The following EP400 variants were observed in gnomAD, a reference collection of about 807,000 sequenced individuals.
The protein encoded by EP400 is E1A binding protein p400.
In EP400, 105 loss-of-function variants were observed where a neutral mutation model predicts 354.1. The ratio of observed to expected loss-of-function variants is 0.30; its 90% CI spans 0.25 to 0.35. The LOEUF is 0.35. Among genes scored for constraint, EP400 ranks in the 10% least tolerant of loss-of-function variants. The pLI, the probability that EP400 is intolerant of heterozygous loss-of-function variation, is 1.00. For synonymous variants in EP400, 1,646 were observed against 1,716.9 expected (o/e 0.96, Z 1.02); for missense variants, 3,280 against 4,121.0 (o/e 0.80, Z 5.59).
Position 132,045,887 on chromosome 12 carries a change from G to T in EP400, c.7187G>T (p.Arg2396Leu). ...RNRYENVIIP[R>L]EEGKSKNNRP... ...CGCTACGAGAATGTCATCATTCCAC[G>T]AGAGGAGGGGAAGGTAAGCACGGTC... is the stretch of plus-strand genomic sequence containing the variant. Residue 2396 changes from arginine (R) to leucine (L), a missense_variant, in exon 39 of 53, where the codon CGA (arginine) becomes CTA (leucine). Coordinates refer to ENST00000389561, the MANE Select transcript of EP400 (RefSeq NM_015409.5). 1 of 1,614,226 alleles carries T rather than the reference G, an allele frequency of 6.2e-7. No individual in the cohort carries two copies. The highest frequency in any genetic ancestry group is 1.1e-5 in the South Asian group (1 of 91,074).
intron 11 of EP400, among the ~76,000 whole-genome samples, chr12:131,993,738 A>G (rs938289488): frequency 2.0e-5 from 3 of 152,196 alleles, no homozygotes. Flanking sequence ...CCTGTGGGTA[A>G]TTGGAATATA....
intron 12 of EP400, 66 bp from the exon 13 acceptor site, chr12:132,005,011 C>G (rs1281151277): frequency 3.9e-6 from 5 of 1,292,398 alleles, no homozygotes; most frequent in Non-Finnish European, 5.5e-6. Context: ...GGCTGCTGCT[C>G]CTTCCCAATT....
At position 132,004,279 on chromosome 12, in the gene EP400, G is replaced by A. The variant is rs73162980; in HGVS notation, c.2828-798G>A. 9.4e-3 allele frequency among the ~76,000 whole-genome samples: 1,437 copies of A among 152,256 alleles called. 21 individuals are homozygous for A. The highest frequency in any genetic ancestry group is 0.033 in the African/African-American group (1,350 of 41,522). ...TTGATAATTTGGTACTTAACAAATT[G>A]TGCACTGATTTCCAGGGATGATTAA... On this transcript the variant is annotated intron_variant, in intron 12 of 52. Transcript: ENST00000389561.
At position 132,029,411 on chromosome 12, in the gene EP400, T is replaced by C. The variant is rs998883700; in HGVS notation, c.5382-290T>C. On this transcript the variant is annotated intron_variant, in intron 27 of 52. Transcript: ENST00000389561. This position sits in a 1 kb window ranked among gnomAD's most constrained non-coding sequence, Gnocchi z 4.7. ...AAGACACACTAGAAAGAGAATGGCT[T>C]ATCTCTGACCTGGTGCCTGCGGCCT... 1 of 489,646 alleles carries C rather than the reference T, an allele frequency of 2.0e-6. No homozygotes were observed. The highest frequency in any genetic ancestry group is 3.7e-6 in the Non-Finnish European group (1 of 273,890). 30.3% of individuals were successfully genotyped at this position (489,646 alleles called of 1,614,324 possible).
rs540681306 is a variant in EP400, at chr12:131,976,659, G to A, written c.1336-3035G>A. 3.3e-5 allele frequency among the ~76,000 whole-genome samples: 5 copies of A among 152,230 alleles called. 1 individual carries two copies. The highest frequency in any genetic ancestry group is 1.2e-4 in the African/African-American group (5 of 41,536). ...CAGGAGGTGGAGGTTGCAGTGAGGC[G>A]AGATCGTACCATTGCACTCCAGCCT... On this transcript the variant is annotated intron_variant, in intron 2 of 52. Coordinates refer to ENST00000389561, the MANE Select transcript of EP400 (RefSeq NM_015409.5).
chr12:131,976,730 C>T (rs1236962044), intron 2 of EP400, among the ~76,000 whole-genome samples: 1 of 152,024 alleles, frequency 6.6e-6, no homozygotes, highest in Admixed American at 6.6e-5. Context: ...AAAACAAAAA[C>T]GCCAAACAGC....
Position 132,049,579 on chromosome 12 carries a change from C to T in EP400, c.7201-744C>T, listed in dbSNP as rs537727672. On this transcript the variant is annotated intron_variant, in intron 39 of 52. Coordinates refer to ENST00000389561, the MANE Select transcript of EP400 (RefSeq NM_015409.5). ...TGTGTCATGTGAGAGTCTTGGTTTT[C>T]GCCTTGGCACACTCTCTTTGACCAG... Among the ~76,000 whole-genome samples the T allele has an allele frequency of 5.3e-5, 8 of 152,302 alleles. No homozygotes were observed. In the East Asian group the frequency reaches 7.7e-4, roughly 15 times the overall value.
At position 132,075,793 on chromosome 12, in the gene EP400, G is replaced by A. The variant is rs562805053; in HGVS notation, c.9022-723G>A. 2 of 152,820 alleles carry A rather than the reference G, an allele frequency of 1.3e-5. No individual in the cohort carries two copies. The highest frequency in any genetic ancestry group is 2.4e-5 in the African/African-American group (1 of 41,554). The allele number at this position is 152,820 out of a possible 1,614,324, so 9.5% of individuals were successfully genotyped here. A position where few individuals can be genotyped will look rare whatever the true frequency, so the allele number is the denominator to read the frequency against. On this transcript the variant is annotated intron_variant, in intron 51 of 52. Coordinates refer to ENST00000389561, the MANE Select transcript of EP400 (RefSeq NM_015409.5). This position sits in a 1 kb window ranked among gnomAD's most constrained non-coding sequence, Gnocchi z 4.5. ...TAACAGGACCCAGCAAGAGACCAGG[G>A]TCCGTGAGGGCCTTGTGCAGGGAGG...
chr12:131,992,816 C>T (rs1893083770), intron 11 of EP400, among the ~76,000 whole-genome samples: 3 of 152,138 alleles, frequency 2.0e-5, no homozygotes, highest in Non-Finnish European at 4.4e-5. Flanking sequence ...GTGGCGGTTC[C>T]TGTCAGGTGC....
chr12:131,960,705 C>CGGGGGG lies in EP400; in HGVS notation c.88_89insGGGGGG (p.Pro29_Ala30insGlyGly). 1 of 1,547,300 alleles carries CGGGGGG rather than the reference C, an allele frequency of 6.5e-7. No individual in the cohort carries two copies. Among genetic ancestry groups the CGGGGGG allele is most frequent in the Non-Finnish European group, 8.7e-7 (1 of 1,147,516 alleles). ...CCTGGCAGCGAGGGTGAGGAGCAGC[C>CGGGGGG]GGCCCACCCCAACCCACCCCCGTCC... On this transcript the variant is annotated inframe_insertion, in exon 2 of 53. Coordinates refer to ENST00000389561, the MANE Select transcript of EP400 (RefSeq NM_015409.5).
intron 2 of EP400, among the ~76,000 whole-genome samples, chr12:131,973,983 T>C (rs1892382600): frequency 6.6e-6 from 1 of 151,380 alleles, no homozygotes; most frequent in South Asian, 2.1e-4. Context: ...TACGTATGTG[T>C]TTGTATTTTT....
intron 2 of EP400, among the ~76,000 whole-genome samples, chr12:131,970,397 G>A (rs1321751990): frequency 6.6e-6 from 1 of 152,202 alleles, no homozygotes; most frequent in Non-Finnish European, 1.5e-5. Flanking sequence ...ATTTGGAAAC[G>A]TTTTGCATCA....
At chr12:131,998,005 T>G (rs937973359) in intron 12 of EP400, among the ~76,000 whole-genome samples, 1 of 152,200 alleles carries the variant, frequency 6.6e-6, no homozygotes, top group South Asian at 2.1e-4. Context: ...TTCCTTTTTT[T>G]CCCCAAAATG....
At chr12:132,008,812 G>A (rs1030613474) in intron 15 of EP400, among the ~76,000 whole-genome samples, 13 of 150,344 alleles carry the variant, frequency 8.6e-5, no homozygotes, top group Admixed American at 7.9e-4. Flanking sequence ...TAGAGACAGG[G>A]TTTCATTATG....
At chr12:132,053,033 C>T in intron 41 of EP400, 113 bp from the exon 42 acceptor site, 1 of 1,147,494 alleles carries the variant, frequency 8.7e-7, no homozygotes, top group Non-Finnish European at 1.3e-6. Context: ...ACGCCCTCAT[C>T]TCTTGGGCTG....
chr12:132,052,206 C>T lies in EP400; in HGVS notation c.7395-940C>T, dbSNP rs1025940537. On this transcript the variant is annotated intron_variant, in intron 41 of 52. Transcript: ENST00000389561. This position sits in a 1 kb window ranked among gnomAD's most constrained non-coding sequence, Gnocchi z 4.4. Reference sequence around the variant, plus strand: ...TATATTTTATTATACTGGAACAGCTCGTGTCCTTGGTCTCTTGCCTCGGCA... The same window carrying T: ...TATATTTTATTATACTGGAACAGCTTGTGTCCTTGGTCTCTTGCCTCGGCA... 5.3e-5 allele frequency among the ~76,000 whole-genome samples: 8 copies of T among 152,220 alleles called. No individual in the cohort carries two copies. The highest frequency in any genetic ancestry group is 7.3e-5 in the Non-Finnish European group (5 of 68,028).
intron 45 of EP400, among the ~76,000 whole-genome samples, chr12:132,058,830 T>C (rs1335276640): frequency 6.6e-6 from 1 of 151,586 alleles, no homozygotes; most frequent in Non-Finnish European, 1.5e-5. Flanking sequence ...GCTGTTGCTC[T>C]GGCTGGAGTG....
At chr12:131,993,224 C>T (rs1485387849) in intron 11 of EP400, among the ~76,000 whole-genome samples, 2 of 152,078 alleles carry the variant, frequency 1.3e-5, no homozygotes, top group Admixed American at 6.5e-5. Flanking sequence ...GGGGTTTCAC[C>T]ATGTTGGCCA....
intron 12 of EP400, among the ~76,000 whole-genome samples, chr12:132,003,071 T>C (rs1382662900): frequency 6.7e-6 from 1 of 149,896 alleles, no homozygotes; most frequent in African/African-American, 2.5e-5. Context: ...CACAGCTGGG[T>C]GTGGTGGCTC....
Sources: gnomAD v4.1 joint callset for allele counts (sites outside exome capture counted in the v4.1 genomes callset) on GRCh38, gnomAD v4.1.1 for gene constraint, Gnocchi (gnomAD v3.1) non-coding constraint, MANE v1.5 for transcripts, NCBI Gene and HGNC (gene_info 2026-07-23, HGNC 2026-07-21) for gene names.